RBFOX1: variants seen among roughly 807,000 people sequenced by gnomAD.
RBFOX1 encodes RNA binding protein fox-1 homolog 1.
Under a neutral mutation model 57.7 loss-of-function variants are expected in RBFOX1, and 8 were observed. The observed-to-expected ratio is 0.14, with a 90% CI of 0.08 to 0.25. The LOEUF is 0.25. RBFOX1 is among the 10% of genes least tolerant of loss of function. RBFOX1 has a pLI of 1.00. For missense variants in RBFOX1, 611 were observed against 548.5 expected, an observed-to-expected ratio of 1.11 and a Z score of -1.14; for synonymous variants, 326 against 222.4, an observed-to-expected ratio of 1.47 and a Z score of -4.15.
At chr16:7,582,063 T>C (rs1038186609) in intron 6 of RBFOX1, among the ~76,000 whole-genome samples, 2 of 148,046 alleles carry the variant, frequency 1.4e-5, no homozygotes, top group East Asian at 4.4e-4. Context: ...AAAGTCTTAG[T>C]CTGTCACCCA....
intron 1 of RBFOX1, among the ~76,000 whole-genome samples, chr16:6,062,630 CAT>C (rs1015918904): frequency 6.9e-6 from 1 of 144,236 alleles, no homozygotes; most frequent in African/African-American, 2.5e-5. Flanking sequence ...ATATATATAA[CAT>C]ATACATATAT....
At chr16:6,143,427 G>T (rs559067619) in intron 1 of RBFOX1, among the ~76,000 whole-genome samples, 208 of 152,306 alleles carry the variant, frequency 1.4e-3, no homozygotes, top group Middle Eastern at 3.4e-3. Context: ...ATGCATTACT[G>T]TGGTTTCCTT....
chr16:6,904,235 A>C (rs6500867), intron 3 of RBFOX1, among the ~76,000 whole-genome samples: 4 of 151,834 alleles, frequency 2.6e-5, no homozygotes, highest in African/African-American at 9.7e-5. Context: ...GTGTGTTCTA[A>C]ACTGTCATTT....
At chr16:6,117,465 T>C (rs1156236368) in intron 1 of RBFOX1, among the ~76,000 whole-genome samples, 1 of 152,248 alleles carries the variant, frequency 6.6e-6, no homozygotes, top group Non-Finnish European at 1.5e-5. Flanking sequence ...GCCGATGTGA[T>C]AGGATTAAGA....
At chr16:7,251,965 C>T (rs1232068752) in intron 4 of RBFOX1, among the ~76,000 whole-genome samples, 1 of 152,098 alleles carries the variant, frequency 6.6e-6, no homozygotes. Flanking sequence ...CAGTGGGGCA[C>T]TGGGTGATTC....
chr16:5,950,299 A>G (rs2152275624), intron 4 of RBFOX1, among the ~76,000 whole-genome samples: 1 of 152,314 alleles, frequency 6.6e-6, no homozygotes, highest in Middle Eastern at 3.4e-3. Context: ...ACACCCAGGA[A>G]GCCAGCCCTG....
intron 1 of RBFOX1, among the ~76,000 whole-genome samples, chr16:6,064,007 C>T (rs910097811): frequency 6.6e-6 from 1 of 152,202 alleles, no homozygotes; most frequent in East Asian, 1.9e-4. Flanking sequence ...CTCTAACCCT[C>T]TAATGTATTA....
chr16:7,458,751 C>G (rs143365971), intron 4 of RBFOX1, among the ~76,000 whole-genome samples: 364 of 152,206 alleles, frequency 2.4e-3, no homozygotes, highest in African/African-American at 7.8e-3. Flanking sequence ...CAGATAAGAC[C>G]TCCTTGACTC....
chr16:6,035,066 C>T (rs1411588965), intron 1 of RBFOX1, among the ~76,000 whole-genome samples: 1 of 152,174 alleles, frequency 6.6e-6, no homozygotes, highest in East Asian at 1.9e-4. Context: ...GTCCTGTACA[C>T]TGTAGGATGT....
At position 5,425,065 on chromosome 16, in the gene RBFOX1, T is replaced by TATC. The variant is rs1555514963; in HGVS notation, c.220-42151_220-42150insATC. Among the ~76,000 whole-genome samples the TATC allele has an allele frequency of 1.7e-4, 12 of 68,640 alleles. 2 individuals are homozygous for TATC. The East Asian group carries it at 4.0e-3, about 23-fold the overall frequency. The allele number at this position is 68,640 out of a possible 152,430, so 45.0% of individuals were successfully genotyped here. A position where few individuals can be genotyped will look rare whatever the true frequency, so the allele number is the denominator to read the frequency against. On this transcript the variant is annotated intron_variant, in intron 1 of 2. Coordinates refer to the RBFOX1 transcript ENST00000585867. ...TCTCTCTCTCTCCTTCCTTCCTTTCTTATCTATCTATCTATCTATCTATCT... is the reference window on the plus strand; with the variant it reads ...TCTCTCTCTCTCCTTCCTTCCTTTCTATCTATCTATCTATCTATCTATCTATCT...
At chr16:6,524,471 C>G (rs953552080) in intron 2 of RBFOX1, among the ~76,000 whole-genome samples, 2 of 152,108 alleles carry the variant, frequency 1.3e-5, no homozygotes, top group Non-Finnish European at 2.9e-5. Flanking sequence ...ACTTTCGAAG[C>G]GTGTTTGTCT....
At chr16:5,484,572 C>T (rs116979569) in intron 2 of RBFOX1, among the ~76,000 whole-genome samples, 3,258 of 152,130 alleles carry the variant, frequency 0.021, 56 homozygotes, top group South Asian at 0.049. Flanking sequence ...GAGGCCAGGG[C>T]TTCAAGGCCA....
In RBFOX1 at chr16:7,012,883, G is replaced by T. The variant is rs556742237; in HGVS notation, c.-15-39174G>T. ...GAGCTATTTATTTTCCCATAGCTGG[G>T]GAGGCTGGAAGTTCAAGATCAGGGT... On this transcript the variant is annotated intron_variant, in intron 3 of 15. Coordinates refer to ENST00000550418, the MANE Select transcript of RBFOX1 (RefSeq NM_018723.4). Among the ~76,000 whole-genome samples, 4 of 152,230 alleles carry T rather than the reference G, an allele frequency of 2.6e-5. No individual in the cohort carries two copies. The South Asian group carries it at 8.3e-4, about 32-fold the overall frequency.
chr16:5,739,028 T>C (rs1158990091), intron 3 of RBFOX1, among the ~76,000 whole-genome samples: 5 of 152,196 alleles, frequency 3.3e-5, no homozygotes, highest in Non-Finnish European at 7.3e-5. Flanking sequence ...ATCTCAAGTT[T>C]AGAAAAAACT....
intron 4 of RBFOX1, among the ~76,000 whole-genome samples, chr16:5,950,113 A>G (rs1402954811): frequency 6.6e-6 from 1 of 152,236 alleles, no homozygotes; most frequent in Non-Finnish European, 1.5e-5. Flanking sequence ...TGCAATGTAG[A>G]GACGTTTCCA....
At chr16:5,629,027 C>A (rs924419916) in intron 3 of RBFOX1, among the ~76,000 whole-genome samples, 1 of 151,972 alleles carries the variant, frequency 6.6e-6, no homozygotes, top group Non-Finnish European at 1.5e-5. Context: ...CATCCAGGCC[C>A]CAAGCACCCA....
chr16:5,512,424 CTCTCTCTCTG>C lies in RBFOX1; in HGVS notation c.258+45180_258+45189del, dbSNP rs746633527. ...TCCTCCTACTCCTCTCTCTTTCTCTCTCTCTCTCTGTCTCTCTCTCTCTTCTTTCATTATG... is the reference window on the plus strand; with the variant it reads ...TCCTCCTACTCCTCTCTCTTTCTCTCTCTCTCTCTCTCTTCTTTCATTATG... On this transcript the variant is annotated intron_variant, in intron 2 of 2. Coordinates refer to the RBFOX1 transcript ENST00000585867. 7.1e-3 allele frequency among the ~76,000 whole-genome samples: 728 copies of C among 102,490 alleles called. 13 individuals carry two copies. The highest frequency in any genetic ancestry group is 0.042 in the South Asian group (180 of 4,288). The allele number at this position is 102,490 out of a possible 152,430, so 67.2% of individuals were successfully genotyped here.
At chr16:7,106,394 A>G (rs1015652268) in intron 4 of RBFOX1, among the ~76,000 whole-genome samples, 2 of 152,170 alleles carry the variant, frequency 1.3e-5, no homozygotes, top group Non-Finnish European at 2.9e-5. Context: ...AATATTTTAC[A>G]GCTCTTTATT....
chr16:6,816,069 A>C (rs1205613741), intron 3 of RBFOX1, among the ~76,000 whole-genome samples: 1 of 152,138 alleles, frequency 6.6e-6, no homozygotes, highest in East Asian at 1.9e-4. Context: ...GCACTTTTGG[A>C]GGCTGAGGCA....
Sources: gnomAD v4.1 joint callset for allele counts (sites outside exome capture counted in the v4.1 genomes callset) on GRCh38, gnomAD v4.1.1 for gene constraint, MANE v1.5 for transcripts, NCBI Gene and HGNC (gene_info 2026-07-23, HGNC 2026-07-21) for gene names.